THSD4: variants seen among roughly 807,000 people sequenced by gnomAD.
The protein encoded by THSD4 is thrombospondin type 1 domain containing 4.
A neutral mutation model predicts 119.0 loss-of-function variants in THSD4; 69 were observed. That is an observed-to-expected ratio of 0.58 (90% CI 0.48 to 0.71). The LOEUF is 0.71. Ranked by LOEUF, THSD4 falls within the 30% of genes least tolerant of loss-of-function variation. The pLI is 0.00. For synonymous variants in THSD4, 524 were observed against 540.4 expected (o/e 0.97, Z 0.42); for missense variants, 1,393 against 1,391.1 (o/e 1.00, Z -0.02).
intron 7 of THSD4, among the ~76,000 whole-genome samples, chr15:71,434,603 G>T (rs905266445): frequency 2.0e-5 from 3 of 151,820 alleles, no homozygotes; most frequent in Non-Finnish European, 4.4e-5. Context: ...GAGGGATGAA[G>T]TTTTCCAAAA....
chr15:71,345,391 G>A (rs761579765), intron 6 of THSD4, among the ~76,000 whole-genome samples: 1 of 152,044 alleles, frequency 6.6e-6, no homozygotes, highest in Non-Finnish European at 1.5e-5. Context: ...GCCTGTGAGA[G>A]GAGAGTGCTG....
At chr15:71,310,840 G>A (rs1309224795) in intron 6 of THSD4, among the ~76,000 whole-genome samples, 1 of 152,152 alleles carries the variant, frequency 6.6e-6, no homozygotes, top group Non-Finnish European at 1.5e-5. Context: ...GGTGGAGAAT[G>A]GGACTGAGAG....
chr15:71,305,172 T>C (rs1261882621), intron 6 of THSD4, among the ~76,000 whole-genome samples: 1 of 152,182 alleles, frequency 6.6e-6, no homozygotes, highest in African/African-American at 2.4e-5. Flanking sequence ...ACTTGGCTAA[T>C]CGTATACCAA....
intron 8 of THSD4, among the ~76,000 whole-genome samples, chr15:71,720,074 T>G (rs2052692125): frequency 6.7e-6 from 1 of 149,196 alleles, no homozygotes; most frequent in Admixed American, 6.7e-5. Context: ...CCACTCTGTT[T>G]GAGACAGGGT....
chr15:71,438,305 C>G (rs1168628339), intron 7 of THSD4, among the ~76,000 whole-genome samples: 2 of 143,196 alleles, frequency 1.4e-5, no homozygotes, highest in Non-Finnish European at 3.1e-5. Context: ...TTTTTTTTAA[C>G]TTATGCCTTT....
At chr15:71,504,915 C>T (rs1237875559) in intron 7 of THSD4, among the ~76,000 whole-genome samples, 3 of 152,176 alleles carry the variant, frequency 2.0e-5, no homozygotes, top group Admixed American at 6.5e-5. Context: ...TCTCAGTCTT[C>T]CCTGTGTTTC....
Position 71,738,227 on chromosome 15 carries a change from A to G in THSD4, c.1906+220A>G, listed in dbSNP as rs117161825. The G allele has an allele frequency of 6.3e-3, 3,773 of 599,086 alleles. 90 individuals carry two copies. Among genetic ancestry groups the G allele is most frequent in the Admixed American group, 0.051 (1,664 of 32,616 alleles). 37.1% of individuals were successfully genotyped at this position (599,086 alleles called of 1,614,324 possible). A position where few individuals can be genotyped will look rare whatever the true frequency, so the allele number is the denominator to read the frequency against. On this transcript the variant is annotated intron_variant, in intron 11 of 17. Coordinates refer to ENST00000261862, the MANE Select transcript of THSD4 (RefSeq NM_024817.3). Reference sequence around the variant, plus strand: ...GTTAGAGTCTCATAAGGAGCATGCAACCTAGATCCCTTGCCTGCACAGTTC... The same window carrying G: ...GTTAGAGTCTCATAAGGAGCATGCAGCCTAGATCCCTTGCCTGCACAGTTC...
chr15:71,672,489 G>T (rs1316517264), intron 8 of THSD4, among the ~76,000 whole-genome samples: 6 of 152,042 alleles, frequency 3.9e-5, no homozygotes, highest in South Asian at 2.1e-4. Flanking sequence ...TTCTTTCTCT[G>T]GCCTGATTGC....
At chr15:71,430,243 C>T (rs1392897691) in intron 7 of THSD4, among the ~76,000 whole-genome samples, 2 of 152,088 alleles carry the variant, frequency 1.3e-5, no homozygotes, top group African/African-American at 4.8e-5. Flanking sequence ...ACAACAGATG[C>T]ACCATTGTTT....
At chr15:71,542,983 G>A (rs1846411824) in intron 7 of THSD4, among the ~76,000 whole-genome samples, 1 of 151,924 alleles carries the variant, frequency 6.6e-6, no homozygotes, top group Non-Finnish European at 1.5e-5. Flanking sequence ...AAGAAAGGCT[G>A]AGAAATGGTC....
chr15:71,352,203 G>GGA (rs2140407202), intron 6 of THSD4, among the ~76,000 whole-genome samples: 1 of 152,310 alleles, frequency 6.6e-6, no homozygotes, highest in South Asian at 2.1e-4. Flanking sequence ...GGAACATGCT[G>GGA]AATGTTCATT....
At chr15:71,185,541 A>G (rs1402740041) in intron 3 of THSD4, 1 of 152,136 alleles carries the variant, frequency 6.6e-6, no homozygotes, top group Non-Finnish European at 1.5e-5. Context: ...ATATCTGTAG[A>G]AAGCACTCAG....
At chr15:71,506,906 C>T (rs1179156057) in intron 7 of THSD4, among the ~76,000 whole-genome samples, 1 of 152,186 alleles carries the variant, frequency 6.6e-6, no homozygotes, top group Non-Finnish European at 1.5e-5. Context: ...TATCAGTGTG[C>T]CATGCAAGTT....
At chr15:71,411,501 T>G (rs1196424005) in intron 6 of THSD4, among the ~76,000 whole-genome samples, 186 bp from the exon 7 acceptor site, 3 of 152,148 alleles carry the variant, frequency 2.0e-5, no homozygotes, top group Non-Finnish European at 4.4e-5. Flanking sequence ...ATGGTTGCGG[T>G]TGGACACACA....
chr15:71,588,923 G>A (rs1282226734), intron 7 of THSD4, among the ~76,000 whole-genome samples: 1 of 152,206 alleles, frequency 6.6e-6, no homozygotes, highest in East Asian at 1.9e-4. Flanking sequence ...ATCTGTCAAA[G>A]GGTTAATGAC....
chr15:71,496,331 T>C (rs984057121), intron 7 of THSD4, among the ~76,000 whole-genome samples: 3 of 152,216 alleles, frequency 2.0e-5, no homozygotes, highest in Admixed American at 6.5e-5. Context: ...AGATTGAGAA[T>C]GGGCTTCATA....
chr15:71,630,677 C>T (rs2050609106), intron 7 of THSD4, among the ~76,000 whole-genome samples: 1 of 152,186 alleles, frequency 6.6e-6, no homozygotes, highest in Non-Finnish European at 1.5e-5. Context: ...AAAGAGCGAG[C>T]TTCACAAAGA....
chr15:71,645,376 A>T (rs1049583759), intron 7 of THSD4, among the ~76,000 whole-genome samples: 1 of 152,138 alleles, frequency 6.6e-6, no homozygotes, highest in African/African-American at 2.4e-5. Flanking sequence ...CCGTGCAAAG[A>T]GGGAAGCCTC....
intron 5 of THSD4, among the ~76,000 whole-genome samples, chr15:71,248,985 C>T (rs1366369440): frequency 2.0e-5 from 3 of 152,164 alleles, no homozygotes; most frequent in Non-Finnish European, 4.4e-5. Context: ...ATGAGCTTAT[C>T]ATCAGCCTCC....
Sources: allele counts gnomAD v4.1 joint callset (sites outside exome capture counted in the v4.1 genomes callset), GRCh38; gene constraint gnomAD v4.1.1; transcripts MANE v1.5; gene names NCBI Gene and HGNC (gene_info 2026-07-23, HGNC 2026-07-21).